SLC12A2: variants seen among roughly 807,000 people sequenced by gnomAD.
SLC12A2 encodes the protein Na-K-2Cl cotransporter 1.
Under a neutral mutation model 136.3 loss-of-function variants are expected in SLC12A2, and 67 were observed. The observed-to-expected ratio is 0.49, with a 90% CI of 0.40 to 0.60. SLC12A2 has a LOEUF of 0.60. Among genes scored for constraint, SLC12A2 ranks in the 20% least tolerant of loss-of-function variants. The pLI, the probability that SLC12A2 is intolerant of heterozygous loss-of-function variation, is 0.00. For missense variants in SLC12A2, 1,322 were observed against 1,534.7 expected (o/e 0.86, Z 2.32); for synonymous variants, 619 against 562.9 (o/e 1.10, Z -1.41).
chr5:128,152,068 T>C (rs1014621908), intron 14 of SLC12A2, among the ~76,000 whole-genome samples: 43 of 152,260 alleles, frequency 2.8e-4, no homozygotes, highest in African/African-American at 9.6e-4. Context: ...TCATCTGGGC[T>C]CAATAGAATA....
At chr5:128,123,149 G>A (rs1452003201) in intron 4 of SLC12A2, among the ~76,000 whole-genome samples, 1 of 151,838 alleles carries the variant, frequency 6.6e-6, no homozygotes, top group Non-Finnish European at 1.5e-5. Flanking sequence ...GCAGAATTAG[G>A]GTTATATGTC....
At chr5:128,120,620 AAC>A (rs1344513561) in intron 4 of SLC12A2, among the ~76,000 whole-genome samples, 1 of 151,592 alleles carries the variant, frequency 6.6e-6, no homozygotes, top group African/African-American at 2.4e-5. Flanking sequence ...CAAAAAACCA[AAC>A]ACTGCATGTT....
At chr5:128,102,533 T>A (rs1426589548) in intron 1 of SLC12A2, among the ~76,000 whole-genome samples, 1 of 151,318 alleles carries the variant, frequency 6.6e-6, no homozygotes, top group Non-Finnish European at 1.5e-5. Context: ...ACATCTTTTG[T>A]TCACTCTTAG....
chr5:128,161,543 C>T, intron 16 of SLC12A2, 117 bp from the exon 17 acceptor site: 1 of 510,634 alleles, frequency 2.0e-6, no homozygotes, highest in Non-Finnish European at 3.1e-6. Flanking sequence ...TATTATTATA[C>T]TTCTGACCCT....
intron 1 of SLC12A2, among the ~76,000 whole-genome samples, chr5:128,100,218 G>A (rs973334048): frequency 2.0e-5 from 3 of 152,058 alleles, no homozygotes; most frequent in Non-Finnish European, 4.4e-5. Flanking sequence ...ATTGTTGACA[G>A]AAACATCATT....
intron 26 of SLC12A2, 142 bp downstream of exon 26, chr5:128,184,998 A>G (rs527731794): frequency 1.5e-5 from 10 of 676,906 alleles, no homozygotes; most frequent in East Asian, 5.6e-5. Flanking sequence ...GTAAAAATAT[A>G]CTATGCTTTA....
At chr5:128,159,647 G>A (rs547153265) in intron 16 of SLC12A2, among the ~76,000 whole-genome samples, 84 of 152,218 alleles carry the variant, frequency 5.5e-4, no homozygotes, top group African/African-American at 9.1e-4. Context: ...AAAGCTCATC[G>A]TCACTGGTCA....
chr5:128,140,022 G>A (rs1008383395), intron 9 of SLC12A2, among the ~76,000 whole-genome samples: 16 of 146,282 alleles, frequency 1.1e-4, no homozygotes, highest in South Asian at 4.2e-4. Flanking sequence ...TTTTTGAGAC[G>A]GAGTCTCACT....
At position 128,084,988 on chromosome 5, in the gene SLC12A2, C is replaced by T. The variant is rs991306182; in HGVS notation, c.756+278C>T. Among the ~76,000 whole-genome samples the T allele has an allele frequency of 5.3e-5, 8 of 149,854 alleles. No homozygotes were observed. In the South Asian group the frequency reaches 8.6e-4, roughly 16 times the overall value. On this transcript the variant is annotated intron_variant, in intron 1 of 26. Transcript: ENST00000262461. The surrounding 1 kb of genome is among the most constrained non-coding windows in gnomAD (Gnocchi z 5.6). ...TATCTCGTGTGCACTTTCTTTCCCA[C>T]CCACGCTCAACAGTCACCATCCCTC...
intron 14 of SLC12A2, 143 bp from the exon 15 acceptor site, chr5:128,152,563 G>T: frequency 1.6e-6 from 1 of 630,330 alleles, no homozygotes; most frequent in Non-Finnish European, 2.9e-6. Context: ...TGCTGTATAT[G>T]TGAACTATTG....
At chr5:128,186,193 G>A (rs1763862858) in intron 26 of SLC12A2, among the ~76,000 whole-genome samples, 1 of 152,164 alleles carries the variant, frequency 6.6e-6, no homozygotes, top group East Asian at 1.9e-4. Context: ...GCAACAGGCT[G>A]TGTCATATAG....
intron 12 of SLC12A2, 69 bp from the exon 13 acceptor site, chr5:128,149,928 A>G (rs1762645725): frequency 2.9e-6 from 3 of 1,044,992 alleles, no homozygotes; most frequent in Non-Finnish European, 4.4e-6. Flanking sequence ...AAAGATTTGA[A>G]ATACTTCATA....
chr5:128,184,266 A>C, intron 24 of SLC12A2, 100 bp from the exon 25 acceptor site: 1 of 735,772 alleles, frequency 1.4e-6, no homozygotes, highest in Non-Finnish European at 2.2e-6. Context: ...GTAATAAATG[A>C]GAGGCACTAA....
intron 1 of SLC12A2, among the ~76,000 whole-genome samples, chr5:128,105,633 G>A (rs1760904915): frequency 6.6e-6 from 1 of 152,054 alleles, no homozygotes; most frequent in Non-Finnish European, 1.5e-5. Flanking sequence ...AGTTAACTCT[G>A]GTTAAAGGAG....
intron 17 of SLC12A2, among the ~76,000 whole-genome samples, chr5:128,166,430 G>A (rs1763205328): frequency 6.6e-6 from 1 of 151,774 alleles, no homozygotes; most frequent in African/African-American, 2.4e-5. Flanking sequence ...AAAAACAAAA[G>A]CGTCTCCCAA....
intron 18 of SLC12A2, chr5:128,170,667 A>T (rs1475902966): frequency 1.3e-5 from 2 of 152,214 alleles, no homozygotes; most frequent in African/African-American, 4.8e-5. Flanking sequence ...TTTGGAATTT[A>T]AAATTTTTTC....
chr5:128,105,608 C>T (rs1403362725), intron 1 of SLC12A2, among the ~76,000 whole-genome samples: 1 of 152,028 alleles, frequency 6.6e-6, no homozygotes, highest in South Asian at 2.1e-4. Flanking sequence ...TGGCAAGAGT[C>T]AGAGTGCAGT....
intron 23 of SLC12A2, among the ~76,000 whole-genome samples, chr5:128,182,008 T>G (rs1041824582): frequency 1.3e-5 from 2 of 150,878 alleles, no homozygotes; most frequent in Non-Finnish European, 3.0e-5. Context: ...ACTCATCACA[T>G]TATGGCTGGT....
chr5:128,109,721 C>A, intron 1 of SLC12A2: 1 of 1,169,172 alleles, frequency 8.6e-7, no homozygotes, highest in Non-Finnish European at 1.3e-6. Context: ...ACCAGAGGAG[C>A]AATTCACTAG....
Sources: gnomAD v4.1 joint callset for allele counts (sites outside exome capture counted in the v4.1 genomes callset) on GRCh38, gnomAD v4.1.1 for gene constraint, Gnocchi (gnomAD v3.1) non-coding constraint, MANE v1.5 for transcripts, NCBI Gene and HGNC (gene_info 2026-07-23, HGNC 2026-07-21) for gene names.